The following DPP10 variants were observed in gnomAD, a reference collection of about 807,000 sequenced individuals.
DPP10 encodes the protein dipeptidyl peptidase like 10.
DPP10 carries 33 observed loss-of-function variants against 120.9 expected under a neutral mutation model. The ratio of observed to expected loss-of-function variants is 0.27; its 90% CI spans 0.21 to 0.37. DPP10 has a LOEUF of 0.37. Ranked by LOEUF, DPP10 falls within the 10% of genes least tolerant of loss-of-function variation. The pLI is 1.00. For synonymous variants in DPP10, 337 were observed against 326.1 expected, an observed-to-expected ratio of 1.03 and a Z score of -0.36; for missense variants, 816 against 942.8, an observed-to-expected ratio of 0.87 and a Z score of 1.76.
intron 1 of DPP10, among the ~76,000 whole-genome samples, chr2:114,651,533 C>T (rs938286137): frequency 6.6e-6 from 1 of 152,130 alleles, no homozygotes; most frequent in Non-Finnish European, 1.5e-5. Context: ...TTCTTATAAG[C>T]TCCAGTGATA....
At chr2:114,851,384 T>A (rs946507929) in intron 1 of DPP10, among the ~76,000 whole-genome samples, 5 of 152,164 alleles carry the variant, frequency 3.3e-5, no homozygotes, top group Non-Finnish European at 7.4e-5. Context: ...ATCAACTACA[T>A]TAAATCTATA....
intron 1 of DPP10, among the ~76,000 whole-genome samples, chr2:114,879,588 G>T (rs968889412): frequency 1.3e-5 from 2 of 152,016 alleles, no homozygotes; most frequent in African/African-American, 4.8e-5. Flanking sequence ...AGCTGCAATT[G>T]TAATGAGGAA....
chr2:115,370,895 T>C (rs775429732), intron 3 of DPP10, among the ~76,000 whole-genome samples: 11 of 152,046 alleles, frequency 7.2e-5, no homozygotes, highest in Non-Finnish European at 1.5e-4. Flanking sequence ...AGAGAATCAC[T>C]GAGATAAACA....
At chr2:114,765,720 C>A (rs1680651673) in intron 1 of DPP10, among the ~76,000 whole-genome samples, 1 of 152,110 alleles carries the variant, frequency 6.6e-6, no homozygotes. Context: ...GAAATTCCAG[C>A]TTACTGTGGT....
At chr2:115,137,658 A>G (rs1415627765) in intron 1 of DPP10, among the ~76,000 whole-genome samples, 1 of 152,222 alleles carries the variant, frequency 6.6e-6, no homozygotes, top group Non-Finnish European at 1.5e-5. Context: ...CTGTCCATTC[A>G]TAACTGGCGG....
At chr2:114,694,924 A>G (rs1272714728) in intron 1 of DPP10, among the ~76,000 whole-genome samples, 1 of 152,032 alleles carries the variant, frequency 6.6e-6, no homozygotes, top group East Asian at 1.9e-4. Context: ...TTCTTGTCCA[A>G]GAAACTACAT....
chr2:115,294,779 A>G (rs1275215095), intron 1 of DPP10, among the ~76,000 whole-genome samples: 1 of 152,090 alleles, frequency 6.6e-6, no homozygotes, highest in Non-Finnish European at 1.5e-5. Flanking sequence ...GCTAATAAGT[A>G]TCACTACAAA....
chr2:115,249,602 A>T (rs1199312757), intron 1 of DPP10, among the ~76,000 whole-genome samples: 1 of 152,172 alleles, frequency 6.6e-6, no homozygotes, highest in Non-Finnish European at 1.5e-5. Context: ...ACAACTTGTT[A>T]AATGATCTGA....
intron 3 of DPP10, among the ~76,000 whole-genome samples, chr2:115,351,790 A>G (rs1389908073): frequency 1.3e-5 from 2 of 152,008 alleles, no homozygotes; most frequent in Non-Finnish European, 2.9e-5. Context: ...AATGACCAAA[A>G]ATGTTTTATT....
rs183837089 is a variant in DPP10 at position 115,784,335 on chromosome 2, A to T, written c.1531+1936A>T. Among the ~76,000 whole-genome samples, 404 of 152,272 alleles carry T rather than the reference A, an allele frequency of 2.7e-3. 3 individuals carry two copies. Among genetic ancestry groups the T allele is most frequent in the Non-Finnish European group, 4.2e-3 (283 of 68,020 alleles). ...AAGTAGAATAGTGCATGGAGAGAAA[A>T]TTTTAAAAAAGAAAAAGGAAAATAT... On this transcript the variant is annotated intron_variant, in intron 17 of 25. Coordinates refer to ENST00000410059, the MANE Select transcript of DPP10 (RefSeq NM_020868.6).
intron 1 of DPP10, among the ~76,000 whole-genome samples, chr2:115,010,924 A>T (rs1702219495): frequency 6.6e-6 from 1 of 152,204 alleles, no homozygotes; most frequent in Non-Finnish European, 1.5e-5. Flanking sequence ...CGTAAACATG[A>T]TCATTTCAAA....
intron 5 of DPP10, among the ~76,000 whole-genome samples, chr2:115,610,223 CT>C (rs1470813041): frequency 6.6e-6 from 1 of 152,004 alleles, no homozygotes; most frequent in Non-Finnish European, 1.5e-5. Flanking sequence ...CTCAGTTCCC[CT>C]CACCCCCCCA....
At chr2:115,410,265 C>T (rs557938242) in intron 3 of DPP10, among the ~76,000 whole-genome samples, 12 of 152,236 alleles carry the variant, frequency 7.9e-5, no homozygotes, top group African/African-American at 2.6e-4. Flanking sequence ...ATTAAGAAAA[C>T]GTAATACATA....
At chr2:115,383,706 A>C (rs1021822561) in intron 3 of DPP10, among the ~76,000 whole-genome samples, 2 of 152,108 alleles carry the variant, frequency 1.3e-5, no homozygotes, top group African/African-American at 4.8e-5. Context: ...TTTGATTTAT[A>C]ATGTGTTTCT....
At chr2:115,279,820 C>G (rs1339042805) in intron 1 of DPP10, among the ~76,000 whole-genome samples, 1 of 151,712 alleles carries the variant, frequency 6.6e-6, no homozygotes, top group African/African-American at 2.4e-5. Flanking sequence ...GGGCACCACG[C>G]CCAGCTAATT....
intron 1 of DPP10, among the ~76,000 whole-genome samples, chr2:114,460,726 A>C (rs1678858479): frequency 6.6e-6 from 1 of 152,214 alleles, no homozygotes; most frequent in African/African-American, 2.4e-5. Context: ...ATAAACTAAT[A>C]AAGAGGCATA....
intron 5 of DPP10, among the ~76,000 whole-genome samples, chr2:115,654,501 A>G (rs1165976932): frequency 6.6e-6 from 1 of 151,908 alleles, no homozygotes; most frequent in Non-Finnish European, 1.5e-5. Context: ...ATACAAAAAC[A>G]GAAAGATCAA....
intron 1 of DPP10, among the ~76,000 whole-genome samples, chr2:114,656,977 T>A (rs940721069): frequency 1.3e-5 from 2 of 152,106 alleles, no homozygotes; most frequent in South Asian, 2.1e-4. Flanking sequence ...TGATCTCAGA[T>A]CTTTGTGGTA....
intron 3 of DPP10, among the ~76,000 whole-genome samples, chr2:115,356,831 C>T (rs536437415): frequency 3.3e-4 from 50 of 152,260 alleles, no homozygotes; most frequent in Middle Eastern, 3.4e-3. Context: ...CTACAATGAA[C>T]ATATGGGTGT....
Sources: gnomAD v4.1 joint callset for allele counts (sites outside exome capture counted in the v4.1 genomes callset) on GRCh38, gnomAD v4.1.1 for gene constraint, MANE v1.5 for transcripts, NCBI Gene and HGNC (gene_info 2026-07-23, HGNC 2026-07-21) for gene names.